Variants in PEX5L observed in about 807,000 individuals in gnomAD.
The protein encoded by PEX5L is PEX5-related protein.
PEX5L carries 30 observed loss-of-function variants against 84.0 expected under a neutral mutation model. The observed-to-expected ratio is 0.36, with a 90% CI of 0.27 to 0.48. PEX5L has a LOEUF of 0.48. PEX5L is among the 20% of genes least tolerant of loss of function. The pLI, the probability that PEX5L is intolerant of heterozygous loss-of-function variation, is 0.99. For synonymous variants in PEX5L, 270 were observed against 283.1 expected (o/e 0.95, Z 0.46); for missense variants, 533 against 754.6 (o/e 0.71, Z 3.44).
At chr3:179,882,157 C>G (rs941956097) in intron 4 of PEX5L, among the ~76,000 whole-genome samples, 2 of 152,184 alleles carry the variant, frequency 1.3e-5, no homozygotes, top group Admixed American at 6.5e-5. Flanking sequence ...CATCTTTTTA[C>G]TAATTGTACA....
At chr3:180,016,474 T>C (rs372960841) in intron 1 of PEX5L, among the ~76,000 whole-genome samples, 15 of 152,350 alleles carry the variant, frequency 9.8e-5, no homozygotes, top group African/African-American at 3.6e-4. Context: ...CAACTGACCT[T>C]TAATTTGGTT....
At chr3:179,900,726 C>T (rs1391162148) in intron 2 of PEX5L, 8 of 1,535,148 alleles carry the variant, frequency 5.2e-6, no homozygotes, top group Non-Finnish European at 7.0e-6. Flanking sequence ...TTCAAGGTTA[C>T]ACCTACTACC....
At chr3:180,032,397 C>T (rs1054007376) in intron 1 of PEX5L, among the ~76,000 whole-genome samples, 1 of 152,222 alleles carries the variant, frequency 6.6e-6, no homozygotes, top group African/African-American at 2.4e-5. Context: ...GCACTGCTCA[C>T]TCTCCTGAAA....
At chr3:180,034,384 G>T (rs1430458791) in intron 1 of PEX5L, among the ~76,000 whole-genome samples, 1 of 152,160 alleles carries the variant, frequency 6.6e-6, no homozygotes, top group Non-Finnish European at 1.5e-5. Flanking sequence ...ATTTTGGAGT[G>T]TTTGGAATGT....
At chr3:179,892,068 C>T (rs1757790404) in intron 3 of PEX5L, among the ~76,000 whole-genome samples, 3 of 151,972 alleles carry the variant, frequency 2.0e-5, no homozygotes, top group Non-Finnish European at 4.4e-5. Context: ...TAAAAAGTAA[C>T]CCAAAGGTTT....
intron 8 of PEX5L, among the ~76,000 whole-genome samples, chr3:179,858,160 TC>T (rs1297208454): frequency 1.3e-5 from 2 of 152,168 alleles, no homozygotes; most frequent in Admixed American, 1.3e-4. Flanking sequence ...GGAAGACAAG[TC>T]ATATAAATGA....
chr3:179,850,897 T>G (rs534565654), intron 8 of PEX5L, among the ~76,000 whole-genome samples: 1 of 152,348 alleles, frequency 6.6e-6, no homozygotes, highest in South Asian at 2.1e-4. Context: ...ATTTTCTTGC[T>G]AGGAGGACAC....
At chr3:180,035,123 T>C (rs1480994089) in intron 1 of PEX5L, among the ~76,000 whole-genome samples, 1 of 152,206 alleles carries the variant, frequency 6.6e-6, no homozygotes, top group Non-Finnish European at 1.5e-5. Flanking sequence ...TTTTGAGGGT[T>C]GACTCTATTA....
intron 1 of PEX5L, among the ~76,000 whole-genome samples, chr3:179,974,555 C>T (rs1308462198): frequency 6.6e-6 from 1 of 152,172 alleles, no homozygotes; most frequent in Non-Finnish European, 1.5e-5. Flanking sequence ...CAGTGCTTCA[C>T]CCCCATAAGA....
intron 5 of PEX5L, among the ~76,000 whole-genome samples, chr3:179,877,274 T>C (rs188926183): frequency 1.9e-4 from 29 of 152,328 alleles, no homozygotes; most frequent in Non-Finnish European, 2.9e-4. Flanking sequence ...CCACATTGTG[T>C]TTATCCATTC....
At chr3:179,998,558 CT>C (rs1788105480) in intron 1 of PEX5L, among the ~76,000 whole-genome samples, 1 of 152,186 alleles carries the variant, frequency 6.6e-6, no homozygotes, top group African/African-American at 2.4e-5. Context: ...AACTACTCTC[CT>C]TTTGAGAGAC....
intron 7 of PEX5L, among the ~76,000 whole-genome samples, chr3:179,864,552 T>C (rs951136254): frequency 2.6e-5 from 4 of 152,056 alleles, no homozygotes; most frequent in Non-Finnish European, 5.9e-5. Context: ...GTTTGGGAGA[T>C]GTTGGTCAAA....
intron 2 of PEX5L, among the ~76,000 whole-genome samples, chr3:179,955,461 A>G (rs1196798143): frequency 3.1e-4 from 41 of 132,714 alleles, no homozygotes; most frequent in Admixed American, 1.3e-3. Context: ...AAGACTCACT[A>G]TGAGTTCTGC....
chr3:179,844,705 C>T (rs1738640676), intron 8 of PEX5L, among the ~76,000 whole-genome samples: 1 of 152,168 alleles, frequency 6.6e-6, no homozygotes, highest in Non-Finnish European at 1.5e-5. Flanking sequence ...TGGCAGGCGC[C>T]TGTAGTCCCA....
intron 3 of PEX5L, among the ~76,000 whole-genome samples, chr3:179,896,474 A>G (rs1158998519): frequency 6.6e-6 from 1 of 152,176 alleles, no homozygotes; most frequent in Admixed American, 6.6e-5. Flanking sequence ...ATATGAGAAA[A>G]TGGTAATAAT....
rs375540231 is a variant in PEX5L at position 179,889,282 on chromosome 3, A to G, written c.199-1498T>C. Among the ~76,000 whole-genome samples, 47 of 152,284 alleles carry G rather than the reference A, an allele frequency of 3.1e-4. No individual in the cohort carries two copies. In the East Asian group the frequency reaches 4.6e-3, roughly 15 times the overall value. On this transcript the variant is annotated intron_variant, in intron 3 of 14. Coordinates refer to ENST00000467460, the MANE Select transcript of PEX5L (RefSeq NM_016559.3). The stretch of plus-strand genomic sequence containing the variant: ...GCAGGGGACCTGAGTAATGGTAACT[A>G]TGGGGAGAAAGTGCACTTCTTTTAT...
At chr3:179,941,742 G>C (rs1305786359) in intron 2 of PEX5L, among the ~76,000 whole-genome samples, 1 of 152,104 alleles carries the variant, frequency 6.6e-6, no homozygotes, top group Non-Finnish European at 1.5e-5. Context: ...AGATTATTTG[G>C]CCAGGCCCAG....
rs192470307 is a variant in PEX5L at position 179,799,671 on chromosome 3, G to A, written c.*2157C>T. The A allele has an allele frequency of 3.3e-5, 5 of 152,290 alleles. No homozygotes were observed. Among genetic ancestry groups the A allele is most frequent in the East Asian group, 1.9e-4 (1 of 5,186 alleles). 9.4% of individuals were successfully genotyped at this position (152,290 alleles called of 1,614,324 possible). A position where few individuals can be genotyped will look rare whatever the true frequency, so the allele number is the denominator to read the frequency against. On this transcript the variant is annotated 3_prime_UTR_variant, in exon 15 of 15. Transcript: ENST00000467460. ...CCTTTGTCCATGAACTATTCATGCC[G>A]ACTTTCTGGTCAAGGTACAGAGATG...
chr3:179,926,197 T>C (rs962142247), intron 2 of PEX5L, among the ~76,000 whole-genome samples: 3 of 152,130 alleles, frequency 2.0e-5, no homozygotes, highest in Non-Finnish European at 4.4e-5. Flanking sequence ...TGCCCTCATC[T>C]CTCAGCTGGA....
Sources: allele counts gnomAD v4.1 joint callset (sites outside exome capture counted in the v4.1 genomes callset), GRCh38; gene constraint gnomAD v4.1.1; transcripts MANE v1.5; gene names NCBI Gene and HGNC (gene_info 2026-07-23, HGNC 2026-07-21).